Variants in SPPL2A observed in about 807,000 individuals in gnomAD.
SPPL2A encodes the protein signal peptide peptidase-like 2A.
Under a neutral mutation model 63.8 loss-of-function variants are expected in SPPL2A, and 51 were observed. The ratio of observed to expected loss-of-function variants is 0.80; its 90% CI spans 0.64 to 1.01. SPPL2A has a LOEUF of 1.01. Ranked by LOEUF, SPPL2A falls within the 50% of genes least tolerant of loss-of-function variation. The pLI is 0.00. For missense variants in SPPL2A, 553 were observed against 622.7 expected (o/e 0.89, Z 1.19); for synonymous variants, 188 against 205.8 (o/e 0.91, Z 0.74).
At position 50,738,459 on chromosome 15, in the gene SPPL2A, G is replaced by A. The variant is rs138071020; in HGVS notation, c.733+1221C>T. On this transcript the variant is annotated intron_variant, in intron 6 of 14. Coordinates refer to ENST00000261854, the MANE Select transcript of SPPL2A (RefSeq NM_032802.4). ...AGCTACTCAGGAGACTGAGGCAGGA[G>A]ACTCACTTGAACCTGGGAGGTGGAG... is the stretch of plus-strand genomic sequence containing the variant. Among the ~76,000 whole-genome samples, 894 of 151,174 alleles carry A rather than the reference G, an allele frequency of 5.9e-3. 15 individuals carry two copies. The highest frequency in any genetic ancestry group is 0.021 in the African/African-American group (860 of 41,162).
intron 13 of SPPL2A, among the ~76,000 whole-genome samples, chr15:50,721,419 T>TTTTCTTTTTCTTCC (rs1417760025): frequency 6.6e-6 from 1 of 151,802 alleles, no homozygotes; most frequent in Non-Finnish European, 1.5e-5. Context: ...TAGCTATTTC[T>TTTTCTTTTTCTTCC]TTTCTTTTTC....
chr15:50,736,221 T>C lies in SPPL2A; in HGVS notation c.831-19A>G, dbSNP rs745760894. On this transcript the variant is annotated intron_variant, in intron 7 of 14. Transcript: ENST00000261854. ...TGCAATCCTAAAAAACAGATTAAAA[T>C]AGTTAACACTGCAGATGAAGTACAA... is the stretch of plus-strand genomic sequence containing the variant. 1.2e-5 allele frequency: 17 copies of C among 1,378,608 alleles called. No individual in the cohort carries two copies. Among genetic ancestry groups the C allele is most frequent in the Non-Finnish European group, 1.8e-5 (17 of 966,568 alleles). 85.4% of individuals were successfully genotyped at this position (1,378,608 alleles called of 1,614,324 possible).
rs979692850 is a variant in SPPL2A, at chr15:50,704,692, T to A, written c.*3108A>T. ...TTAAGTGAAATTTTAATCTTATCTA[T>A]CTTTTGTTCATTTTGAGTCCCCAAA... On this transcript the variant is annotated 3_prime_UTR_variant, in exon 15 of 15. Transcript: ENST00000261854. The A allele has an allele frequency of 2.0e-5, 3 of 152,214 alleles. No individual in the cohort carries two copies. The highest frequency in any genetic ancestry group is 4.8e-5 in the African/African-American group (2 of 41,450). The allele number at this position is 152,214 out of a possible 1,614,324, so 9.4% of individuals were successfully genotyped here. A position where few individuals can be genotyped will look rare whatever the true frequency, so the allele number is the denominator to read the frequency against.
chr15:50,749,628 T>C lies in SPPL2A; in HGVS notation c.177+8A>G. The stretch of plus-strand genomic sequence containing the variant: ...TATGTTTATGAATAGTAACTGTGAT[T>C]TACTTACTGCATTTTCTAGGGTACT... On this transcript the variant is annotated splice_region_variant and intron_variant, in intron 2 of 14. Transcript: ENST00000261854. The C allele has an allele frequency of 6.7e-7, 1 of 1,487,478 alleles. No homozygotes were observed. The highest frequency in any genetic ancestry group is 9.4e-7 in the Non-Finnish European group (1 of 1,064,722). The allele number at this position is 1,487,478 out of a possible 1,614,324, so 92.1% of individuals were successfully genotyped here.
chr15:50,734,958 G>T (rs2062758641), intron 8 of SPPL2A, among the ~76,000 whole-genome samples: 1 of 152,032 alleles, frequency 6.6e-6, no homozygotes, highest in South Asian at 2.1e-4. Context: ...CCAGGCTGGA[G>T]TGCAATAGTG....
chr15:50,748,740 A>G lies in SPPL2A; in HGVS notation c.308T>C (p.Ile103Thr), dbSNP rs142491885. The G allele has an allele frequency of 1.7e-4, 267 of 1,612,242 alleles. No homozygotes were observed. In the East Asian group the frequency reaches 5.8e-3, roughly 35 times the overall value. ...GSCHFLEKAR[I>T]AQKGGAEAML... is the part of the protein sequence containing the mutation. ...TGCTTCAGCACCTCCTTTCTGTGCA[A>G]TTCTGGCTTTTTCAAGAAAATGGCA... is the stretch of plus-strand genomic sequence containing the variant. The change falls in exon 3 of 15, where the codon ATT becomes ACT. Residue 103 changes from isoleucine (I) to threonine (T), a missense_variant. Coordinates refer to ENST00000261854, the MANE Select transcript of SPPL2A (RefSeq NM_032802.4).
intron 14 of SPPL2A, among the ~76,000 whole-genome samples, chr15:50,712,919 C>T (rs1472158559): frequency 6.6e-6 from 1 of 151,974 alleles, no homozygotes. Context: ...CTCCTGACCT[C>T]GTGATCTGCC....
chr15:50,705,642 T>A lies in SPPL2A; in HGVS notation c.*2158A>T, dbSNP rs1388008415. On this transcript the variant is annotated 3_prime_UTR_variant, in exon 15 of 15. Transcript: ENST00000261854. ...ATTAACTCTTGTCAGGTAAGTCATTTGCCATAAACGAAAGGACCCATAACT... is the reference window on the plus strand; with the variant it reads ...ATTAACTCTTGTCAGGTAAGTCATTAGCCATAAACGAAAGGACCCATAACT... 6.6e-6 allele frequency: 1 copy of A among 152,238 alleles called. No homozygotes were observed. Among genetic ancestry groups the A allele is most frequent in the Non-Finnish European group, 1.5e-5 (1 of 68,040 alleles). The allele number at this position is 152,238 out of a possible 1,614,324, so 9.4% of individuals were successfully genotyped here.
rs769669668 is a variant in SPPL2A, at chr15:50,705,531, G to A, written c.*2269C>T. ...AAATGAAAATACAGAGTTTTAAAAC[G>A]GCACTTAATCTGTTCTCTCTCTCAG... On this transcript the variant is annotated 3_prime_UTR_variant, in exon 15 of 15. Coordinates refer to ENST00000261854, the MANE Select transcript of SPPL2A (RefSeq NM_032802.4). The A allele has an allele frequency of 3.3e-5, 5 of 151,952 alleles. No homozygotes were observed. Among genetic ancestry groups the A allele is most frequent in the Non-Finnish European group, 7.4e-5 (5 of 67,986 alleles). The allele number at this position is 151,952 out of a possible 1,614,324, so 9.4% of individuals were successfully genotyped here.
intron 12 of SPPL2A, among the ~76,000 whole-genome samples, chr15:50,724,315 G>A (rs1325298483): frequency 1.3e-5 from 2 of 152,152 alleles, no homozygotes; most frequent in African/African-American, 2.4e-5. Flanking sequence ...GGTGGCTCAC[G>A]CCTGTAATCC....
At chr15:50,737,095 G>A (rs906997562) in intron 6 of SPPL2A, among the ~76,000 whole-genome samples, 1 of 152,038 alleles carries the variant, frequency 6.6e-6, no homozygotes, top group African/African-American at 2.4e-5. Context: ...TGTAGTTTTA[G>A]TAGACGGGGT....
Position 50,748,796 on chromosome 15 carries a change from C to T in SPPL2A, c.252G>A (p.Lys84=), listed in dbSNP as rs774541449. The T allele has an allele frequency of 2.5e-6, 4 of 1,612,236 alleles. No homozygotes were observed. In the African/African-American group the frequency reaches 4.0e-5, roughly 16 times the overall value. Residue 84 remains lysine (K), a synonymous_variant, in exon 3 of 15, where the codon AAG becomes AAA. Transcript: ENST00000261854. Reference sequence around the variant, plus strand: ...CCCATGGAACCACAACTGCTTTGCTCTTTATGCCAACAGGAGGAATATCAG... The same window carrying T: ...CCCATGGAACCACAACTGCTTTGCTTTTTATGCCAACAGGAGGAATATCAG... ...NLSDIPPVGI[K]SKAVVVPWGS... is the part of the protein sequence containing the mutation.
In SPPL2A at chr15:50,732,675, C is replaced by A; in HGVS notation, c.942G>T (p.Trp314Cys). Residue 314 changes from tryptophan to cysteine, a missense_variant, in exon 9 of 15, where the codon TGG becomes TGT. Transcript: ENST00000261854. ...AVFRNEDRWA[W>C]ILQDILGIAF... ...CAATCCCCAAGATATCCTGTAAAAT[C>A]CAAGCCCACCTAAAATCAAAAAATA... 6.2e-7 allele frequency: 1 copy of A among 1,607,540 alleles called. No individual in the cohort carries two copies. Among genetic ancestry groups the A allele is most frequent in the Non-Finnish European group, 8.5e-7 (1 of 1,175,048 alleles).
At chr15:50,725,951 T>C (rs566057409) in intron 11 of SPPL2A, 162 of 448,724 alleles carry the variant, frequency 3.6e-4, no homozygotes, top group Non-Finnish European at 4.7e-4. Context: ...CCTTGAAACA[T>C]AGAAAACAGA....
At chr15:50,751,091 C>T (rs2062901799) in intron 1 of SPPL2A, among the ~76,000 whole-genome samples, 1 of 152,128 alleles carries the variant, frequency 6.6e-6, no homozygotes, top group Non-Finnish European at 1.5e-5. Flanking sequence ...CTTGGGGCTG[C>T]ACAGCTTATG....
chr15:50,725,353 A>G (rs1196994543), intron 11 of SPPL2A, 30 bp from the exon 12 acceptor site: 3 of 1,240,588 alleles, frequency 2.4e-6, no homozygotes, highest in Non-Finnish European at 3.5e-6. Flanking sequence ...AACAAAACAA[A>G]ACAAAACAAA....
Position 50,755,761 on chromosome 15 carries a change from A to T in SPPL2A, c.67-6015T>A, listed in dbSNP as rs528750967. 2.0e-5 allele frequency among the ~76,000 whole-genome samples: 3 copies of T among 151,944 alleles called. No individual in the cohort carries two copies. In the East Asian group the frequency reaches 5.8e-4, roughly 29 times the overall value. ...AAGCCCTTCTGGAGATTCTGACATC[A>T]GTTAAAGTTTGAGAACCACTGCTAT... is the stretch of plus-strand genomic sequence containing the variant. On this transcript the variant is annotated intron_variant, in intron 1 of 14. Coordinates refer to ENST00000261854, the MANE Select transcript of SPPL2A (RefSeq NM_032802.4).
chr15:50,717,496 A>G (rs1448332422), intron 14 of SPPL2A, among the ~76,000 whole-genome samples: 1 of 152,094 alleles, frequency 6.6e-6, no homozygotes, highest in African/African-American at 2.4e-5. Flanking sequence ...TATTGCAATA[A>G]TTGTCCCCAG....
Position 50,724,299 on chromosome 15 carries a change from C to T in SPPL2A, c.1249+922G>A, listed in dbSNP as rs374770929. On this transcript the variant is annotated intron_variant, in intron 12 of 14. Coordinates refer to ENST00000261854, the MANE Select transcript of SPPL2A (RefSeq NM_032802.4). Reference sequence around the variant, plus strand: ...AGACTAAGAAAAATGAAGAAGGAGCCGGCGCGGTGGCTCACGCCTGTAATC... The same window carrying T: ...AGACTAAGAAAAATGAAGAAGGAGCTGGCGCGGTGGCTCACGCCTGTAATC... Among the ~76,000 whole-genome samples the T allele has an allele frequency of 4.5e-4, 69 of 152,068 alleles. No homozygotes were observed. In the East Asian group the frequency reaches 9.1e-3, roughly 20 times the overall value.
Sources: gnomAD v4.1 joint callset for allele counts (sites outside exome capture counted in the v4.1 genomes callset) on GRCh38, gnomAD v4.1.1 for gene constraint, MANE v1.5 for transcripts, NCBI Gene and HGNC (gene_info 2026-07-23, HGNC 2026-07-21) for gene names.